SEMA3A: variants seen among roughly 807,000 people sequenced by gnomAD.
SEMA3A encodes the protein semaphorin 3A.
SEMA3A carries 29 observed loss-of-function variants against 97.9 expected under a neutral mutation model. That is an observed-to-expected ratio of 0.30 (90% CI 0.22 to 0.40). SEMA3A has a LOEUF of 0.40. SEMA3A is among the 10% of genes least tolerant of loss of function. The pLI is 1.00. For synonymous variants in SEMA3A, 321 were observed against 323.7 expected (o/e 0.99, Z 0.09); for missense variants, 763 against 951.3 (o/e 0.80, Z 2.60).
At chr7:84,046,576 T>A in intron 5 of SEMA3A, 133 bp from the exon 6 acceptor site, 1 of 908,784 alleles carries the variant, frequency 1.1e-6, no homozygotes, top group South Asian at 1.6e-5. Flanking sequence ...CTCTGCATCA[T>A]TATGCAGTTA....
intron 3 of SEMA3A, among the ~76,000 whole-genome samples, chr7:84,125,494 A>G (rs1360510277): frequency 6.6e-6 from 1 of 152,226 alleles, no homozygotes; most frequent in Non-Finnish European, 1.5e-5. Context: ...GTCTCTACTA[A>G]AAATACACAA....
At chr7:84,367,571 T>A (rs1268687360) in intron 2 of SEMA3A, among the ~76,000 whole-genome samples, 1 of 150,836 alleles carries the variant, frequency 6.6e-6, no homozygotes, top group Non-Finnish European at 1.5e-5. Context: ...ACACAGCTCT[T>A]CCAGTTACTT....
At position 84,046,350 on chromosome 7, in the gene SEMA3A, T is replaced by C. The variant is rs750811031; in HGVS notation, c.641A>G (p.Glu214Gly). The C allele has an allele frequency of 1.2e-6, 2 of 1,613,250 alleles. No homozygotes were observed. The highest frequency in any genetic ancestry group is 1.7e-6 in the Non-Finnish European group (2 of 1,179,392). Residue 214 changes from glutamate (E) to glycine (G), a missense_variant, in exon 6 of 17, where the codon GAG (glutamate) becomes GGG (glycine). Glu to Gly is a moderately conservative substitution (Grantham distance 98). Transcript: ENST00000265362. ...TLGHHHPIRT[E>G]QHDSRWLNDP... Reference sequence around the variant, plus strand: ...ATTGAGCCACCTGGAATCATGCTGCTCTGTCCTGATTGGGTGGTGGTGCCC... The same window carrying C: ...ATTGAGCCACCTGGAATCATGCTGCCCTGTCCTGATTGGGTGGTGGTGCCC...
At chr7:84,208,286 A>C (rs1798543873) in intron 3 of SEMA3A, among the ~76,000 whole-genome samples, 1 of 152,086 alleles carries the variant, frequency 6.6e-6, no homozygotes. Context: ...CCCCGCCTCT[A>C]CTAAAAATAC....
At chr7:84,077,511 G>A (rs190931626) in intron 4 of SEMA3A, among the ~76,000 whole-genome samples, 1 of 151,924 alleles carries the variant, frequency 6.6e-6, no homozygotes, top group Non-Finnish European at 1.5e-5. Context: ...TACATTTCAA[G>A]ATTTTTTTCA....
chr7:84,346,989 A>G (rs1802314230), intron 2 of SEMA3A, among the ~76,000 whole-genome samples: 1 of 152,260 alleles, frequency 6.6e-6, no homozygotes, highest in African/African-American at 2.4e-5. Flanking sequence ...AGAAATAAAA[A>G]TGAAAACAAA....
intron 6 of SEMA3A, among the ~76,000 whole-genome samples, chr7:84,016,745 T>C (rs1317166381): frequency 6.6e-6 from 1 of 152,168 alleles, no homozygotes; most frequent in Non-Finnish European, 1.5e-5. Context: ...ACAAATATTT[T>C]AAGCCTAAGA....
chr7:84,062,944 G>A (rs1466486676), intron 4 of SEMA3A, among the ~76,000 whole-genome samples: 1 of 151,966 alleles, frequency 6.6e-6, no homozygotes, highest in Non-Finnish European at 1.5e-5. Flanking sequence ...GCCTGCCTCT[G>A]TAGGCTCCAC....
intron 4 of SEMA3A, among the ~76,000 whole-genome samples, chr7:84,091,157 A>C (rs1408829241): frequency 2.7e-5 from 1 of 36,820 alleles, no homozygotes; most frequent in Non-Finnish European, 5.4e-5. Flanking sequence ...GGAAGGAAGG[A>C]AGGAAGGAAG....
chr7:84,186,976 G>A (rs1397827435), intron 1 of SEMA3A, among the ~76,000 whole-genome samples: 1 of 152,110 alleles, frequency 6.6e-6, no homozygotes, highest in Non-Finnish European at 1.5e-5. Flanking sequence ...TCTTGAGTAA[G>A]TCTGAGGATG....
chr7:84,419,032 A>C (rs1804516588), intron 1 of SEMA3A, among the ~76,000 whole-genome samples: 1 of 151,942 alleles, frequency 6.6e-6, no homozygotes, highest in Non-Finnish European at 1.5e-5. Context: ...TGACTAATAC[A>C]ATTGGTTTCT....
At chr7:84,284,780 C>G (rs900767772) in intron 3 of SEMA3A, among the ~76,000 whole-genome samples, 1 of 152,066 alleles carries the variant, frequency 6.6e-6, no homozygotes, top group African/African-American at 2.4e-5. Context: ...TCCCCATTTT[C>G]TAGATTATGT....
At chr7:84,047,989 C>T (rs1357806930) in intron 5 of SEMA3A, among the ~76,000 whole-genome samples, 2 of 151,888 alleles carry the variant, frequency 1.3e-5, no homozygotes, top group African/African-American at 4.8e-5. Flanking sequence ...GAGAAAATCA[C>T]TGAGCAACAT....
intron 3 of SEMA3A, among the ~76,000 whole-genome samples, chr7:84,277,742 G>C (rs1164548371): frequency 6.6e-6 from 1 of 152,084 alleles, no homozygotes; most frequent in Non-Finnish European, 1.5e-5. Flanking sequence ...AGGGCAATCG[G>C]GTCCTAGGCC....
intron 1 of SEMA3A, among the ~76,000 whole-genome samples, chr7:84,475,139 A>G (rs1230806165): frequency 4.6e-5 from 7 of 152,062 alleles, no homozygotes; most frequent in Non-Finnish European, 7.4e-5. Flanking sequence ...GGGGAGTGGT[A>G]CAGCCCATCT....
chr7:84,440,975 A>G (rs1046535342), intron 1 of SEMA3A, among the ~76,000 whole-genome samples: 2 of 152,110 alleles, frequency 1.3e-5, no homozygotes, highest in Non-Finnish European at 2.9e-5. Flanking sequence ...CCTGACCAAC[A>G]TGGAGAAACA....
At chr7:84,303,371 T>A (rs2115834495) in intron 3 of SEMA3A, among the ~76,000 whole-genome samples, 1 of 152,242 alleles carries the variant, frequency 6.6e-6, no homozygotes, top group Middle Eastern at 3.4e-3. Context: ...AAAAAAAATG[T>A]CTAGGAATTT....
chr7:84,238,354 A>G (rs1799283148), intron 3 of SEMA3A, among the ~76,000 whole-genome samples: 1 of 152,166 alleles, frequency 6.6e-6, no homozygotes, highest in Non-Finnish European at 1.5e-5. Flanking sequence ...GGTGTGAGCC[A>G]TCGTGCCTGG....
chr7:84,170,169 G>C (rs768101708), intron 1 of SEMA3A, among the ~76,000 whole-genome samples: 58 of 151,916 alleles, frequency 3.8e-4, no homozygotes, highest in Non-Finnish European at 6.9e-4. Flanking sequence ...GATGAACACT[G>C]CCTGGTGCTC....
Sources: gnomAD v4.1 joint callset for allele counts (sites outside exome capture counted in the v4.1 genomes callset) on GRCh38, gnomAD v4.1.1 for gene constraint, MANE v1.5 for transcripts, NCBI Gene and HGNC (gene_info 2026-07-23, HGNC 2026-07-21) for gene names.